Variants in COG5 observed in about 807,000 individuals in gnomAD.
COG5 encodes the protein component of oligomeric golgi complex 5.
COG5 carries 86 observed loss-of-function variants against 110.4 expected under a neutral mutation model. That is an observed-to-expected ratio of 0.78 (90% CI 0.65 to 0.93). The LOEUF (loss-of-function observed/expected upper bound fraction) is 0.93. COG5 is among the 40% of genes least tolerant of loss of function. The pLI is 0.00. For missense variants in COG5, 1,077 were observed against 987.0 expected, an observed-to-expected ratio of 1.09 and a Z score of -1.22; for synonymous variants, 360 against 334.6, an observed-to-expected ratio of 1.08 and a Z score of -0.83.
chr7:107,426,946 C>A (rs1042717386), intron 6 of COG5, among the ~76,000 whole-genome samples: 1 of 152,122 alleles, frequency 6.6e-6, no homozygotes, highest in African/African-American at 2.4e-5. Context: ...AACTGGAGTT[C>A]TGGAGAAAGA....
At chr7:107,553,719 T>A (rs560121847) in intron 3 of COG5, among the ~76,000 whole-genome samples, 4 of 152,144 alleles carry the variant, frequency 2.6e-5, no homozygotes, top group Non-Finnish European at 5.9e-5. Flanking sequence ...AATCCAATTA[T>A]TACTTGACTA....
At chr7:107,509,337 A>G (rs1799305751) in intron 6 of COG5, among the ~76,000 whole-genome samples, 1 of 152,224 alleles carries the variant, frequency 6.6e-6, no homozygotes, top group Non-Finnish European at 1.5e-5. Flanking sequence ...CGAGAAGGGA[A>G]GTTTAGAGAA....
At position 107,371,539 on chromosome 7, in the gene COG5, C is replaced by T. The variant is rs1038346837; in HGVS notation, c.835+1056G>A. Among the ~76,000 whole-genome samples, 6 of 151,988 alleles carry T rather than the reference C, an allele frequency of 3.9e-5. No homozygotes were observed. The South Asian group carries it at 8.3e-4, about 21-fold the overall frequency. On this transcript the variant is annotated intron_variant, in intron 8 of 21. Coordinates refer to ENST00000297135, the MANE Select transcript of COG5 (RefSeq NM_006348.5). ...GTTATTAATTCAATATGAGTTATTC[C>T]ATCAACCCTGTGATGGATCAGAGTG...
At chr7:107,264,917 T>C (rs1211862619) in intron 14 of COG5, among the ~76,000 whole-genome samples, 1 of 151,772 alleles carries the variant, frequency 6.6e-6, no homozygotes, top group Admixed American at 6.6e-5. Flanking sequence ...AAAGCAGATA[T>C]GTCTATGCAG....
intron 1 of COG5, among the ~76,000 whole-genome samples, chr7:107,561,086 TA>T (rs1433765533): frequency 6.6e-6 from 1 of 152,084 alleles, no homozygotes; most frequent in Non-Finnish European, 1.5e-5. Flanking sequence ...ATAAAGAAAG[TA>T]AGTATTAGTA....
intron 18 of COG5, among the ~76,000 whole-genome samples, chr7:107,232,978 G>A (rs939403116): frequency 2.0e-5 from 3 of 152,132 alleles, no homozygotes; most frequent in African/African-American, 4.8e-5. Context: ...CCCTGACATT[G>A]TTCAGGAGAA....
At chr7:107,354,675 T>TCAA (rs561856411) in intron 10 of COG5, among the ~76,000 whole-genome samples, 3,404 of 152,170 alleles carry the variant, frequency 0.022, 57 homozygotes, top group Non-Finnish European at 0.035. Context: ...AGACTCCGTC[T>TCAA]CAACAACAAC....
chr7:107,210,803 G>A (rs1205080179), intron 20 of COG5, among the ~76,000 whole-genome samples, 198 bp from the exon 21 acceptor site: 7 of 152,318 alleles, frequency 4.6e-5, no homozygotes, highest in African/African-American at 1.7e-4. Flanking sequence ...GCCAATTGAT[G>A]GTGGGTCAGC....
At chr7:107,326,331 A>C (rs998687188) in intron 10 of COG5, among the ~76,000 whole-genome samples, 1 of 152,190 alleles carries the variant, frequency 6.6e-6, no homozygotes, top group Admixed American at 6.5e-5. Context: ...AAAGAAATAA[A>C]AAGCATCCAA....
At chr7:107,245,423 T>G (rs1190666577) in intron 17 of COG5, among the ~76,000 whole-genome samples, 1 of 152,188 alleles carries the variant, frequency 6.6e-6, no homozygotes, top group Admixed American at 6.5e-5. Flanking sequence ...GAAGTTAAGC[T>G]ACCTCTGTTT....
chr7:107,335,166 C>T (rs62482500), intron 10 of COG5, among the ~76,000 whole-genome samples: 4,090 of 152,202 alleles, frequency 0.027, 85 homozygotes, highest in South Asian at 0.074. Context: ...AAGTTGTCAT[C>T]TCTTTAAAAT....
intron 7 of COG5, among the ~76,000 whole-genome samples, chr7:107,380,426 AAAG>A (rs1228347256): frequency 8.5e-5 from 13 of 152,204 alleles, no homozygotes; most frequent in African/African-American, 2.9e-4. Flanking sequence ...CCAGACTAAT[AAAG>A]AAGAAAAGAA....
At chr7:107,546,857 G>C (rs1802493151) in intron 5 of COG5, among the ~76,000 whole-genome samples, 1 of 152,056 alleles carries the variant, frequency 6.6e-6, no homozygotes, top group African/African-American at 2.4e-5. Context: ...CAGATCAATA[G>C]TGAGTACAGA....
Position 107,230,550 on chromosome 7 carries a change from A to G in COG5, c.2168+65T>C. On this transcript the variant is annotated intron_variant, in intron 19 of 21. Transcript: ENST00000297135. ...AATATTGGCAATTTTATGAAGTTCA[A>G]CCTGCACAGAAAGGATTTATTTGCC... The G allele has an allele frequency of 3.3e-6, 4 of 1,227,142 alleles. No homozygotes were observed. The East Asian group carries it at 7.0e-5, about 21-fold the overall frequency. The allele number at this position is 1,227,142 out of a possible 1,614,324, so 76.0% of individuals were successfully genotyped here.
In COG5 at chr7:107,258,425, TTCTCTCTC is replaced by T. The variant is rs71134258; in HGVS notation, c.1576-50_1576-43del. The T allele has an allele frequency of 2.6e-5, 23 of 886,386 alleles. 1 individual carries two copies. The highest frequency in any genetic ancestry group is 1.7e-4 in the Admixed American group (9 of 53,414). 54.9% of individuals were successfully genotyped at this position (886,386 alleles called of 1,614,324 possible). ...TCAAAAGAATGTGTCAGAATGATAA[TTCTCTCTC>T]TCTCTCTCTCTCTCTCTCACACACA... On this transcript the variant is annotated intron_variant, in intron 14 of 21. Transcript: ENST00000297135.
intron 7 of COG5, among the ~76,000 whole-genome samples, chr7:107,379,950 C>T (rs117790354): frequency 0.014 from 2,073 of 152,296 alleles, 55 homozygotes; most frequent in East Asian, 0.12. Flanking sequence ...CAGAACTCTA[C>T]ACCCCAAACC....
At position 107,417,937 on chromosome 7, in the gene COG5, T is replaced by A. The variant is rs528709431; in HGVS notation, c.539-5305A>T. ...TTCCTATTATTTTGTATTTTCCCAG[T>A]CTATTGATTTTTAAGTTATTTGTTT... On this transcript the variant is annotated intron_variant, in intron 6 of 21. Coordinates refer to ENST00000297135, the MANE Select transcript of COG5 (RefSeq NM_006348.5). Among the ~76,000 whole-genome samples the A allele has an allele frequency of 9.3e-4, 141 of 152,294 alleles. 4 individuals are homozygous for A. In the South Asian group the frequency reaches 0.028, roughly 30 times the overall value.
intron 11 of COG5, among the ~76,000 whole-genome samples, chr7:107,310,995 G>A (rs1156559452): frequency 2.0e-5 from 3 of 151,966 alleles, no homozygotes; most frequent in Admixed American, 6.6e-5. Flanking sequence ...ATTCAACATA[G>A]TTTGTTTAAC....
chr7:107,213,873 T>C (rs571334176), intron 19 of COG5, among the ~76,000 whole-genome samples: 2 of 152,176 alleles, frequency 1.3e-5, no homozygotes, highest in African/African-American at 2.4e-5. Flanking sequence ...ACTAGCGGAA[T>C]AGTGACACCA....
Sources: allele counts gnomAD v4.1 joint callset (sites outside exome capture counted in the v4.1 genomes callset), GRCh38; gene constraint gnomAD v4.1.1; transcripts MANE v1.5; gene names NCBI Gene and HGNC (gene_info 2026-07-23, HGNC 2026-07-21).